FAM135A: variants seen among roughly 807,000 people sequenced by gnomAD.
The protein encoded by FAM135A is family with sequence similarity 135 member A.
A neutral mutation model predicts 146.8 loss-of-function variants in FAM135A; 79 were observed. The ratio of observed to expected loss-of-function variants is 0.54; its 90% confidence interval spans 0.45 to 0.65. FAM135A has a LOEUF of 0.65. Ranked by LOEUF, FAM135A falls within the 30% of genes least tolerant of loss-of-function variation. FAM135A has a pLI of 0.00. For missense variants in FAM135A, 1,623 were observed against 1,758.2 expected (o/e 0.92, Z 1.38); for synonymous variants, 562 against 603.6 (o/e 0.93, Z 1.01).
intron 11 of FAM135A, among the ~76,000 whole-genome samples, chr6:70,497,090 T>C (rs1477393406): frequency 6.6e-6 from 1 of 152,112 alleles, no homozygotes; most frequent in Non-Finnish European, 1.5e-5. Context: ...TATAAATTAC[T>C]TTGGTCAGTA....
chr6:70,547,344 A>G (rs1388489524), intron 20 of FAM135A, among the ~76,000 whole-genome samples: 1 of 152,250 alleles, frequency 6.6e-6, no homozygotes, highest in Admixed American at 6.5e-5. Flanking sequence ...AAATTTATTT[A>G]AAATGAGTAA....
intron 12 of FAM135A, among the ~76,000 whole-genome samples, chr6:70,507,455 G>A (rs904130181): frequency 2.6e-5 from 4 of 152,116 alleles, no homozygotes; most frequent in African/African-American, 7.2e-5. Context: ...TTCAGAAGCA[G>A]CACAATTGAG....
intron 12 of FAM135A, chr6:70,504,686 T>C (rs1789323589): frequency 1.3e-5 from 2 of 152,132 alleles, no homozygotes; most frequent in African/African-American, 4.8e-5. Flanking sequence ...CAGAAGACTT[T>C]AAAAAGTTGG....
chr6:70,413,781 G>A, intron 1 of FAM135A, 79 bp downstream of exon 1: 1 of 983,970 alleles, frequency 1.0e-6, no homozygotes. Context: ...TTGCCCAGGG[G>A]CCAGGAAGGA....
chr6:70,545,080 CAAAA>C (rs200793256), intron 20 of FAM135A, among the ~76,000 whole-genome samples: 3 of 150,564 alleles, frequency 2.0e-5, no homozygotes, highest in East Asian at 2.0e-4. Flanking sequence ...AACAAACAAA[CAAAA>C]AAAACCACGA....
intron 12 of FAM135A, among the ~76,000 whole-genome samples, chr6:70,510,015 G>A (rs927802864): frequency 2.6e-5 from 4 of 152,036 alleles, no homozygotes; most frequent in African/African-American, 9.7e-5. Context: ...CAACTTGGTG[G>A]TATAAAATAT....
At chr6:70,529,967 G>A (rs1397864769) in intron 16 of FAM135A, among the ~76,000 whole-genome samples, 4 of 152,182 alleles carry the variant, frequency 2.6e-5, no homozygotes, top group Admixed American at 1.3e-4. Context: ...CGGAGGCTGA[G>A]GCAGGAGAAT....
chr6:70,503,375 A>G (rs190772381), intron 12 of FAM135A: 15 of 152,254 alleles, frequency 9.9e-5, no homozygotes, highest in Admixed American at 9.2e-4. Flanking sequence ...CTCTGCATGC[A>G]CCCTGATTTT....
At chr6:70,494,856 G>C (rs1786865158) in intron 11 of FAM135A, among the ~76,000 whole-genome samples, 1 of 152,090 alleles carries the variant, frequency 6.6e-6, no homozygotes, top group South Asian at 2.1e-4. Context: ...TGGGTTAAAG[G>C]CCAGAGAATT....
At position 70,428,380 on chromosome 6, in the gene FAM135A, A is replaced by G; in HGVS notation, c.38A>G (p.Glu13Gly). ...CAAGCAATGGTAGAATTCTCTGTGG[A>G]GCTAAACAAGTTCTACAATGTGGAT... ...EVQAMVEFSV[E>G]LNKFYNVDLF... Residue 13 changes from glutamate to glycine, a missense_variant, in exon 4 of 22, where the codon GAG (glutamate) becomes GGG (glycine). This residue lies in a region of FAM135A where 171 missense variants were observed against 164.9 expected (regional missense o/e 1.04). Coordinates refer to ENST00000418814, the MANE Select transcript of FAM135A (RefSeq NM_001162529.3). 4 of 1,604,400 alleles carry G rather than the reference A, an allele frequency of 2.5e-6. No homozygotes were observed. Among genetic ancestry groups the G allele is most frequent in the Non-Finnish European group, 3.4e-6 (4 of 1,175,566 alleles).
At position 70,462,609 on chromosome 6, in the gene FAM135A, A is replaced by G. The variant is rs149345403; in HGVS notation, c.157+10038A>G. On this transcript the variant is annotated intron_variant, in intron 5 of 21. Coordinates refer to ENST00000418814, the MANE Select transcript of FAM135A (RefSeq NM_001162529.3). The stretch of plus-strand genomic sequence containing the variant: ...TAGATAAGCATTTAGACTTACAAGA[A>G]ATCAGCCCAGGTTGGTTAAAAAAAA... 1.1e-3 allele frequency among the ~76,000 whole-genome samples: 169 copies of G among 152,224 alleles called. 1 individual carries two copies. The East Asian group carries it at 0.027, about 24-fold the overall frequency.
intron 18 of FAM135A, among the ~76,000 whole-genome samples, chr6:70,535,184 A>G (rs976135635): frequency 6.6e-6 from 1 of 152,118 alleles, no homozygotes; most frequent in African/African-American, 2.4e-5. Flanking sequence ...TACTTTAGGA[A>G]GTTCAGTTCG....
chr6:70,493,430 A>G (rs1033128307), intron 11 of FAM135A, among the ~76,000 whole-genome samples: 1 of 152,180 alleles, frequency 6.6e-6, no homozygotes, highest in African/African-American at 2.4e-5. Context: ...GTATCCATGT[A>G]TTGCTAATAA....
At chr6:70,466,186 T>C (rs1435531295) in intron 5 of FAM135A, among the ~76,000 whole-genome samples, 1 of 152,158 alleles carries the variant, frequency 6.6e-6, no homozygotes, top group Non-Finnish European at 1.5e-5. Context: ...GCACATTTTT[T>C]GACGATTACA....
At chr6:70,513,136 AC>A (rs1383224251) in intron 12 of FAM135A, among the ~76,000 whole-genome samples, 2 of 151,830 alleles carry the variant, frequency 1.3e-5, no homozygotes, top group Non-Finnish European at 2.9e-5. Context: ...GGCCTGTTAT[AC>A]ATCTCTATGT....
At chr6:70,415,488 CATCAA>C (rs754157599) in intron 2 of FAM135A, 112 bp downstream of exon 2, 10 of 152,090 alleles carry the variant, frequency 6.6e-5, no homozygotes, top group Non-Finnish European at 1.3e-4. Context: ...GCTCTGGTGT[CATCAA>C]ACCACACTTC....
At chr6:70,557,706 A>T (rs182345419) in intron 21 of FAM135A, 1 of 151,226 alleles carries the variant, frequency 6.6e-6, no homozygotes, top group Admixed American at 6.6e-5. Context: ...AAAAAAAAAA[A>T]AAAAAAAAAA....
Position 70,538,381 on chromosome 6 carries a change from A to G in FAM135A, c.4208A>G (p.Tyr1403Cys), listed in dbSNP as rs144462314. The G allele has an allele frequency of 2.0e-6, 3 of 1,500,328 alleles. No individual in the cohort carries two copies. Among genetic ancestry groups the G allele is most frequent in the Non-Finnish European group, 2.7e-6 (3 of 1,116,846 alleles). 92.9% of individuals were successfully genotyped at this position (1,500,328 alleles called of 1,614,324 possible). ...TCAGACCCTCGCCAAACTTTTTTAT[A>G]TAAGCTTAGTAACAAAGCAGGTAAG... ...DHSDPRQTFL[Y>C]KLSNKAGLHY... Residue 1403 changes from tyrosine to cysteine, a missense_variant, in exon 20 of 22, where the codon TAT (tyrosine) becomes TGT (cysteine). Around this residue, in one of 7 missense-constraint regions of FAM135A, gnomAD observed 138 missense variants for 174.1 expected, o/e 0.79. Coordinates refer to ENST00000418814, the MANE Select transcript of FAM135A (RefSeq NM_001162529.3).
At chr6:70,433,606 T>C (rs2127828877) in intron 4 of FAM135A, among the ~76,000 whole-genome samples, 1 of 152,096 alleles carries the variant, frequency 6.6e-6, no homozygotes, top group Non-Finnish European at 1.5e-5. Context: ...GTCCACGCGT[T>C]TGTGGTCAGC....
Sources: allele counts gnomAD v4.1 joint callset (sites outside exome capture counted in the v4.1 genomes callset), GRCh38; gene constraint gnomAD v4.1.1; regional missense constraint gnomAD v4.1.1; transcripts MANE v1.5; gene names NCBI Gene and HGNC (gene_info 2026-07-23, HGNC 2026-07-21).